The following EIF2B3 variants were observed in gnomAD, a reference collection of about 807,000 sequenced individuals.
EIF2B3 encodes the protein eukaryotic translation initiation factor 2B subunit gamma, also known as translation initiation factor eIF2B subunit gamma.
EIF2B3 carries 20 observed loss-of-function variants against 54.1 expected under a neutral mutation model. The observed-to-expected ratio is 0.37, with a 90% CI of 0.26 to 0.54. EIF2B3 has a LOEUF of 0.54. Among genes scored for constraint, EIF2B3 ranks in the 20% least tolerant of loss-of-function variants. The pLI is 0.86. For missense variants in EIF2B3, 448 were observed against 547.8 expected, an observed-to-expected ratio of 0.82 and a Z score of 1.82; for synonymous variants, 153 against 188.1, an observed-to-expected ratio of 0.81 and a Z score of 1.52.
intron 3 of EIF2B3, among the ~76,000 whole-genome samples, chr1:44,966,363 T>G (rs1263134369): frequency 7.1e-6 from 1 of 140,262 alleles, no homozygotes; most frequent in East Asian, 2.1e-4. Context: ...GGCGTGAACC[T>G]GGGGGGCGGA....
chr1:44,953,833 C>T (rs986912567), intron 3 of EIF2B3, among the ~76,000 whole-genome samples: 5 of 152,120 alleles, frequency 3.3e-5, no homozygotes, highest in Non-Finnish European at 1.5e-5. Context: ...TTACAACAGG[C>T]ATGTCAGTCA....
chr1:44,962,569 C>T lies in EIF2B3; in HGVS notation c.294+15746G>A, dbSNP rs150430930. On this transcript the variant is annotated intron_variant, in intron 3 of 11. Transcript: ENST00000360403. ...GTGACTACTGGTGCACACCACTGTA[C>T]CTGGCTAATCTAAAAAAATTTGTGT... Among the ~76,000 whole-genome samples the T allele has an allele frequency of 3.0e-3, 458 of 152,204 alleles. 3 individuals are homozygous for T. Among genetic ancestry groups the T allele is most frequent in the African/African-American group, 0.011 (437 of 41,514 alleles).
intron 3 of EIF2B3, among the ~76,000 whole-genome samples, chr1:44,974,818 A>G (rs114464464): frequency 0.011 from 1,712 of 152,332 alleles, 32 homozygotes; most frequent in African/African-American, 0.039. Flanking sequence ...AATCAATTGT[A>G]TTTCTATGTA....
intron 6 of EIF2B3, among the ~76,000 whole-genome samples, chr1:44,890,612 G>C (rs960652216): frequency 5.9e-5 from 9 of 152,114 alleles, no homozygotes; most frequent in African/African-American, 2.2e-4. Flanking sequence ...AAACTGCTTT[G>C]ACTTTCGAAA....
intron 5 of EIF2B3, among the ~76,000 whole-genome samples, chr1:44,922,109 A>G (rs1008752805): frequency 2.0e-5 from 3 of 150,290 alleles, no homozygotes; most frequent in Admixed American, 2.0e-4. Flanking sequence ...GTTTCACCAC[A>G]CTGGCCAGGC....
At chr1:44,958,428 A>G (rs1218772800) in intron 3 of EIF2B3, 1 of 561,578 alleles carries the variant, frequency 1.8e-6, no homozygotes, top group Non-Finnish European at 3.1e-6. Context: ...AGAGACCGAA[A>G]CCAGATCGGA....
At chr1:44,863,000 TGC>T (rs2148895641) in intron 10 of EIF2B3, 1 of 152,346 alleles carries the variant, frequency 6.6e-6, no homozygotes, top group South Asian at 2.1e-4. Flanking sequence ...TTAGGCAATG[TGC>T]ACAGGCCTAA....
chr1:44,953,151 TAAAA>T (rs551625310), intron 3 of EIF2B3, among the ~76,000 whole-genome samples: 1 of 131,788 alleles, frequency 7.6e-6, no homozygotes, highest in Non-Finnish European at 1.6e-5. Context: ...TCCATAAGTG[TAAAA>T]AAAAAAAAAA....
chr1:44,882,878 G>A (rs1190034864), intron 6 of EIF2B3, among the ~76,000 whole-genome samples: 3 of 150,178 alleles, frequency 2.0e-5, no homozygotes, highest in Non-Finnish European at 3.0e-5. Flanking sequence ...GCCTCTTAAA[G>A]TGCTGGGATT....
chr1:44,959,811 T>C (rs1644265858), intron 3 of EIF2B3, among the ~76,000 whole-genome samples: 1 of 152,232 alleles, frequency 6.6e-6, no homozygotes, highest in African/African-American at 2.4e-5. Context: ...TCATCCCTAG[T>C]GAGAAGGTCA....
chr1:44,916,120 C>G (rs966280234), intron 5 of EIF2B3, among the ~76,000 whole-genome samples: 10 of 152,068 alleles, frequency 6.6e-5, no homozygotes, highest in Admixed American at 1.3e-4. Flanking sequence ...ACCATAATTC[C>G]TATAGTTGTT....
intron 7 of EIF2B3, among the ~76,000 whole-genome samples, chr1:44,880,326 G>A (rs968235978): frequency 2.0e-5 from 3 of 152,212 alleles, no homozygotes; most frequent in African/African-American, 7.2e-5. Context: ...CAAACTAAAA[G>A]AGGAAATGTA....
At chr1:44,942,418 T>TACA (rs1553177413) in intron 3 of EIF2B3, among the ~76,000 whole-genome samples, 130 of 8,096 alleles carry the variant, frequency 0.016, 16 homozygotes, top group African/African-American at 0.084. Flanking sequence ...TATATATATA[T>TACA]TTTTTTTTTT....
At chr1:44,868,120 C>T (rs931247628) in intron 10 of EIF2B3, among the ~76,000 whole-genome samples, 4 of 151,936 alleles carry the variant, frequency 2.6e-5, no homozygotes, top group Non-Finnish European at 4.4e-5. Context: ...TAGTGTTGGC[C>T]GGGCGCAATG....
intron 3 of EIF2B3, among the ~76,000 whole-genome samples, chr1:44,956,835 G>A (rs1402972762): frequency 6.6e-6 from 1 of 152,176 alleles, no homozygotes; most frequent in Non-Finnish European, 1.5e-5. Flanking sequence ...AGACCTAAAT[G>A]TAAAAAAGTG....
intron 4 of EIF2B3, among the ~76,000 whole-genome samples, chr1:44,929,669 A>G (rs1366562261): frequency 6.6e-6 from 1 of 152,226 alleles, no homozygotes; most frequent in African/African-American, 2.4e-5. Flanking sequence ...GCCATTTAAC[A>G]AAAGAAACAC....
chr1:44,869,287 G>A lies in EIF2B3; in HGVS notation c.1202+5391C>T, dbSNP rs149912164. ...GAGGTCAGGAGTTCGTAACTAACCT[G>A]GCCAACATGGTGAAACCCTGTCTCT... On this transcript the variant is annotated intron_variant, in intron 10 of 11. Coordinates refer to ENST00000360403, the MANE Select transcript of EIF2B3 (RefSeq NM_020365.5). 1.8e-3 allele frequency among the ~76,000 whole-genome samples: 276 copies of A among 152,102 alleles called. 1 individual carries two copies. The highest frequency in any genetic ancestry group is 6.4e-3 in the African/African-American group (264 of 41,520).
chr1:44,867,055 C>G (rs1353148018), intron 10 of EIF2B3, among the ~76,000 whole-genome samples: 1 of 152,096 alleles, frequency 6.6e-6, no homozygotes, highest in East Asian at 1.9e-4. Flanking sequence ...AGGGTACACT[C>G]AGGGTAATGA....
rs1655343363 is a variant in EIF2B3 at position 44,880,154 on chromosome 1, G to A, written c.785-146C>T. On this transcript the variant is annotated intron_variant, in intron 7 of 11. Transcript: ENST00000360403. ...TGGTCTCAAACTCCCAGACTCAAGG[G>A]ATCCTCCCACCTCAGCTTCCTGAGC... 8 of 840,666 alleles carry A rather than the reference G, an allele frequency of 9.5e-6. No homozygotes were observed. In the East Asian group the frequency reaches 2.1e-4, roughly 22 times the overall value. 52.1% of individuals were successfully genotyped at this position (840,666 alleles called of 1,614,324 possible).
Sources: gnomAD v4.1 joint callset for allele counts (sites outside exome capture counted in the v4.1 genomes callset) on GRCh38, gnomAD v4.1.1 for gene constraint, MANE v1.5 for transcripts, NCBI Gene and HGNC (gene_info 2026-07-23, HGNC 2026-07-21) for gene names.